CTNNA2: variants seen among roughly 807,000 people sequenced by gnomAD.
The protein encoded by CTNNA2 is catenin alpha-2.
CTNNA2 carries 42 observed loss-of-function variants against 101.0 expected under a neutral mutation model. The ratio of observed to expected loss-of-function variants is 0.42; its 90% CI spans 0.32 to 0.54. CTNNA2 has a LOEUF of 0.54. CTNNA2 is among the 20% of genes least tolerant of loss of function. The pLI, the probability that CTNNA2 is intolerant of heterozygous loss-of-function variation, is 0.14. For missense variants in CTNNA2, 871 were observed against 1,223.1 expected (o/e 0.71, Z 4.29); for synonymous variants, 450 against 456.4 (o/e 0.99, Z 0.18).
intron 7 of CTNNA2, among the ~76,000 whole-genome samples, chr2:80,100,343 C>T (rs11890977): frequency 0.031 from 4,690 of 152,272 alleles, 225 homozygotes; most frequent in African/African-American, 0.11. Context: ...ATACTGCTTT[C>T]GTTCCTGGTT....
chr2:80,334,817 C>T (rs972760724), intron 7 of CTNNA2, among the ~76,000 whole-genome samples: 2 of 152,118 alleles, frequency 1.3e-5, no homozygotes, highest in African/African-American at 4.8e-5. Flanking sequence ...TCTTGGTCTG[C>T]CCAGGACCGA....
chr2:79,533,953 A>G (rs1448177086), intron 1 of CTNNA2, among the ~76,000 whole-genome samples: 1 of 152,122 alleles, frequency 6.6e-6, no homozygotes, highest in Non-Finnish European at 1.5e-5. Context: ...ATCCTGCAGA[A>G]TCCACCAGAG....
chr2:79,794,444 T>C (rs76086510), intron 3 of CTNNA2, among the ~76,000 whole-genome samples: 18,265 of 152,230 alleles, frequency 0.12, 1,183 homozygotes, highest in Admixed American at 0.17. Flanking sequence ...ACATATATAA[T>C]GTATACAGCT....
intron 4 of CTNNA2, among the ~76,000 whole-genome samples, chr2:79,393,351 G>T (rs2104473864): frequency 6.6e-6 from 1 of 152,262 alleles, no homozygotes; most frequent in African/African-American, 2.4e-5. Context: ...TGCAAACTGT[G>T]GCCTGTGGGC....
At chr2:80,461,465 C>A (rs865980606) in intron 9 of CTNNA2, among the ~76,000 whole-genome samples, 1 of 152,190 alleles carries the variant, frequency 6.6e-6, no homozygotes, top group Non-Finnish European at 1.5e-5. Context: ...CACACTGACC[C>A]CCAACTGCAA....
intron 7 of CTNNA2, among the ~76,000 whole-genome samples, chr2:80,041,740 C>G (rs763764444): frequency 6.6e-6 from 1 of 152,090 alleles, no homozygotes; most frequent in African/African-American, 2.4e-5. Flanking sequence ...ACTCAAAGCA[C>G]GATTTTCATC....
chr2:79,709,419 A>C (rs13007809), intron 2 of CTNNA2, among the ~76,000 whole-genome samples: 27,015 of 152,154 alleles, frequency 0.18, 3,006 homozygotes, highest in Middle Eastern at 0.26. Context: ...TCAATGGGAA[A>C]GTCATTGCAC....
chr2:80,258,315 T>G (rs1573531111), intron 7 of CTNNA2, among the ~76,000 whole-genome samples: 1 of 152,330 alleles, frequency 6.6e-6, no homozygotes, highest in East Asian at 1.9e-4. Context: ...TTTTTTGCAC[T>G]TAGGAAGCTT....
intron 2 of CTNNA2, among the ~76,000 whole-genome samples, chr2:79,202,809 A>G (rs1283405863): frequency 2.0e-5 from 3 of 152,172 alleles, no homozygotes; most frequent in Non-Finnish European, 2.9e-5. Context: ...TTGTTCTCAC[A>G]TGGCTCTAGC....
intron 4 of CTNNA2, among the ~76,000 whole-genome samples, chr2:79,858,593 GGAT>G (rs1681331954): frequency 6.6e-6 from 1 of 152,042 alleles, no homozygotes; most frequent in Non-Finnish European, 1.5e-5. Context: ...ACCTTAGTGT[GGAT>G]TACATGTTGA....
In CTNNA2 at chr2:80,204,591, C is replaced by A. The variant is rs1707414702; in HGVS notation, c.1057-188620C>A. On this transcript the variant is annotated intron_variant, in intron 7 of 18. Transcript: ENST00000402739. ...ACCTTATTTTTTATATGCCTATTAGCATTTTTTGTCAAAGACATTCAACAA... is the reference window on the plus strand; with the variant it reads ...ACCTTATTTTTTATATGCCTATTAGAATTTTTTGTCAAAGACATTCAACAA... Among the ~76,000 whole-genome samples, 6 of 152,106 alleles carry A rather than the reference C, an allele frequency of 3.9e-5. No individual in the cohort carries two copies. In the South Asian group the frequency reaches 1.2e-3, roughly 31 times the overall value.
intron 3 of CTNNA2, among the ~76,000 whole-genome samples, chr2:79,791,407 A>G (rs1001729759): frequency 6.6e-6 from 1 of 152,160 alleles, no homozygotes; most frequent in African/African-American, 2.4e-5. Flanking sequence ...AAAATAAAGA[A>G]ATGGATTTAC....
At chr2:79,707,434 C>G (rs1193501087) in intron 2 of CTNNA2, among the ~76,000 whole-genome samples, 3 of 152,286 alleles carry the variant, frequency 2.0e-5, no homozygotes, top group East Asian at 1.9e-4. Flanking sequence ...CTATTAACCT[C>G]TCACCCACCT....
rs1384629473 is a variant in CTNNA2, at chr2:80,420,271, G to C, written c.1290+670G>C. ...CTGCCTAAATTTAGGAGCTGAAAAC[G>C]AACAGCCTGGCAAAGGTAGGATTAG... On this transcript the variant is annotated intron_variant, in intron 9 of 18. Coordinates refer to ENST00000402739, the MANE Select transcript of CTNNA2 (RefSeq NM_001282597.3). Among the ~76,000 whole-genome samples, 3 of 151,972 alleles carry C rather than the reference G, an allele frequency of 2.0e-5. No individual in the cohort carries two copies. The East Asian group carries it at 5.8e-4, about 29-fold the overall frequency.
At chr2:80,347,104 A>G (rs1046927104) in intron 7 of CTNNA2, among the ~76,000 whole-genome samples, 2 of 151,992 alleles carry the variant, frequency 1.3e-5, no homozygotes, top group Non-Finnish European at 2.9e-5. Context: ...GCTAGAGATA[A>G]ACCAAGCTTT....
At chr2:80,213,005 G>T (rs925243986) in intron 7 of CTNNA2, among the ~76,000 whole-genome samples, 49 of 152,170 alleles carry the variant, frequency 3.2e-4, no homozygotes, top group Admixed American at 2.3e-3. Flanking sequence ...TTGCACAGAG[G>T]TGTTTATAGT....
chr2:79,502,011 C>T (rs900409967), intron 4 of CTNNA2, among the ~76,000 whole-genome samples: 6 of 149,240 alleles, frequency 4.0e-5, no homozygotes, highest in Non-Finnish European at 8.9e-5. Context: ...ATTACCTCCC[C>T]TAAGGAAGTT....
chr2:79,281,629 T>A (rs1422873467), intron 2 of CTNNA2: 1 of 152,218 alleles, frequency 6.6e-6, no homozygotes, highest in Non-Finnish European at 1.5e-5. Flanking sequence ...AAAGAACACC[T>A]ATACTTGACT....
chr2:79,467,998 A>G (rs1167824361), intron 4 of CTNNA2, among the ~76,000 whole-genome samples: 3 of 152,208 alleles, frequency 2.0e-5, no homozygotes, highest in African/African-American at 7.2e-5. Flanking sequence ...AGCTAACATC[A>G]TAATGACAGG....
Sources: gnomAD v4.1 joint callset for allele counts (sites outside exome capture counted in the v4.1 genomes callset) on GRCh38, gnomAD v4.1.1 for gene constraint, MANE v1.5 for transcripts, NCBI Gene and HGNC (gene_info 2026-07-23, HGNC 2026-07-21) for gene names.